CFAP61: variants seen among roughly 807,000 people sequenced by gnomAD.
CFAP61 encodes the protein cilia- and flagella-associated protein 61.
CFAP61 carries 107 observed loss-of-function variants against 135.6 expected under a neutral mutation model. The ratio of observed to expected loss-of-function variants is 0.79; its 90% CI spans 0.67 to 0.93. The LOEUF (loss-of-function observed/expected upper bound fraction) is 0.93, where lower values mean the gene tolerates loss of function less well. CFAP61 is among the 40% of genes least tolerant of loss of function. CFAP61 has a pLI of 0.00. For missense variants in CFAP61, 1,507 were observed against 1,556.2 expected (o/e 0.97, Z 0.53); for synonymous variants, 575 against 578.5 (o/e 0.99, Z 0.09).
chr20:20,326,061 G>T (rs1391807976), intron 25 of CFAP61, among the ~76,000 whole-genome samples: 1 of 152,136 alleles, frequency 6.6e-6, no homozygotes, highest in East Asian at 1.9e-4. Flanking sequence ...CTCCTGTGTG[G>T]CTGGGATTAC....
At chr20:20,183,948 A>G (rs1215277472) in intron 13 of CFAP61, among the ~76,000 whole-genome samples, 1 of 152,238 alleles carries the variant, frequency 6.6e-6, no homozygotes. Flanking sequence ...TATGAATAGC[A>G]GAGATGAATG....
intron 9 of CFAP61, among the ~76,000 whole-genome samples, chr20:20,149,018 A>G (rs1404502044): frequency 2.0e-5 from 3 of 152,226 alleles, no homozygotes; most frequent in African/African-American, 7.2e-5. Context: ...CAATATAGTA[A>G]TAAAACAACT....
intron 18 of CFAP61, among the ~76,000 whole-genome samples, chr20:20,235,959 G>A (rs2146960205): frequency 6.6e-6 from 1 of 152,204 alleles, no homozygotes; most frequent in East Asian, 1.9e-4. Context: ...CTCTCTAAGT[G>A]TACTTCTCTG....
At chr20:20,336,006 G>T (rs752789907) in intron 25 of CFAP61, among the ~76,000 whole-genome samples, 3 of 152,214 alleles carry the variant, frequency 2.0e-5, no homozygotes, top group African/African-American at 7.2e-5. Flanking sequence ...AAATGGGCCA[G>T]CATGTCCCAC....
intron 17 of CFAP61, among the ~76,000 whole-genome samples, chr20:20,206,490 C>G (rs1432925853): frequency 6.6e-6 from 1 of 152,158 alleles, no homozygotes; most frequent in Non-Finnish European, 1.5e-5. Context: ...TATGAACTTA[C>G]CTACTCTGGA....
In CFAP61 at chr20:20,287,721, G is replaced by A. The variant is rs140582952; in HGVS notation, c.2797-888G>A. Among the ~76,000 whole-genome samples, 236 of 152,274 alleles carry A rather than the reference G, an allele frequency of 1.5e-3. 1 individual carries two copies. The highest frequency in any genetic ancestry group is 5.4e-3 in the African/African-American group (224 of 41,560). ...ACCCATGTCTTATGTTCATTTTTTA[G>A]CATGCTTTTAATAAAGTGGCAGACT... On this transcript the variant is annotated intron_variant, in intron 22 of 26. Transcript: ENST00000245957.
At chr20:20,330,029 G>C (rs921209172) in intron 25 of CFAP61, among the ~76,000 whole-genome samples, 1 of 152,202 alleles carries the variant, frequency 6.6e-6, no homozygotes, top group African/African-American at 2.4e-5. Context: ...ATGCTCACAG[G>C]AGGCGGTCAA....
At chr20:20,154,129 A>G (rs940376788) in intron 9 of CFAP61, among the ~76,000 whole-genome samples, 1 of 152,154 alleles carries the variant, frequency 6.6e-6, no homozygotes, top group Non-Finnish European at 1.5e-5. Context: ...CAAAAGACAC[A>G]GAGAAAGCAT....
chr20:20,205,936 T>A (rs576712633), intron 17 of CFAP61, among the ~76,000 whole-genome samples: 1 of 151,978 alleles, frequency 6.6e-6, no homozygotes, highest in African/African-American at 2.4e-5. Flanking sequence ...CCATGTTGGA[T>A]GTGGTTTCAG....
intron 8 of CFAP61, 68 bp from the exon 9 acceptor site, chr20:20,142,789 T>C: frequency 1.1e-6 from 1 of 884,096 alleles, no homozygotes; most frequent in Non-Finnish European, 1.8e-6. Flanking sequence ...CCATGCTGTC[T>C]AATTTCCTGT....
chr20:20,277,115 G>GT, intron 21 of CFAP61, 51 bp from the exon 22 acceptor site: 1 of 1,421,668 alleles, frequency 7.0e-7, no homozygotes. Flanking sequence ...TTTGACTAAG[G>GT]TTTTTTGGTT....
chr20:20,117,297 T>A (rs1449670687), intron 8 of CFAP61, among the ~76,000 whole-genome samples: 1 of 152,074 alleles, frequency 6.6e-6, no homozygotes, highest in Admixed American at 6.6e-5. Flanking sequence ...TGAGTTGAGA[T>A]CGTGCCACTG....
At position 20,230,717 on chromosome 20, in the gene CFAP61, G is replaced by A. The variant is rs191330812; in HGVS notation, c.2060+2341G>A. Among the ~76,000 whole-genome samples the A allele has an allele frequency of 1.3e-3, 198 of 152,076 alleles. 1 individual carries two copies. The highest frequency in any genetic ancestry group is 2.0e-3 in the Admixed American group (30 of 15,266). Reference sequence around the variant, plus strand: ...ACTACAGGTGCAAGCCACCATGCCCGACTCATTTTTGTATTTTCAGTAGAG... The same window carrying A: ...ACTACAGGTGCAAGCCACCATGCCCAACTCATTTTTGTATTTTCAGTAGAG... On this transcript the variant is annotated intron_variant, in intron 18 of 26. Coordinates refer to ENST00000245957, the MANE Select transcript of CFAP61 (RefSeq NM_015585.4).
At chr20:20,104,746 A>G (rs1205548916) in intron 8 of CFAP61, among the ~76,000 whole-genome samples, 1 of 152,210 alleles carries the variant, frequency 6.6e-6, no homozygotes, top group East Asian at 1.9e-4. Flanking sequence ...TGATTTTCTC[A>G]CATTTGTGAG....
intron 18 of CFAP61, among the ~76,000 whole-genome samples, chr20:20,239,278 C>G (rs144130781): frequency 2.2e-4 from 34 of 152,274 alleles, no homozygotes; most frequent in African/African-American, 8.2e-4. Context: ...AATATTTAGA[C>G]ACTGCTAAAT....
intron 15 of CFAP61, among the ~76,000 whole-genome samples, chr20:20,195,770 A>G (rs1230353234): frequency 2.0e-5 from 3 of 152,210 alleles, no homozygotes; most frequent in Admixed American, 6.5e-5. Flanking sequence ...CCAGCCAGCC[A>G]TACATGTAAT....
intron 16 of CFAP61, among the ~76,000 whole-genome samples, chr20:20,197,675 G>T (rs988514621): frequency 2.0e-5 from 3 of 151,712 alleles, no homozygotes; most frequent in African/African-American, 7.3e-5. Flanking sequence ...GTGTCTGGTT[G>T]TTCCACAGGA....
At chr20:20,071,730 G>A (rs1009759995) in intron 3 of CFAP61, among the ~76,000 whole-genome samples, 4 of 152,060 alleles carry the variant, frequency 2.6e-5, no homozygotes, top group South Asian at 2.1e-4. Context: ...TTCACCCCCC[G>A]TACATGTGTG....
At chr20:20,090,758 G>T in intron 6 of CFAP61, 86 bp from the exon 7 acceptor site, 9 of 1,253,070 alleles carry the variant, frequency 7.2e-6, no homozygotes, top group Non-Finnish European at 9.2e-6. Flanking sequence ...CCGGCACTTA[G>T]AACAGGGTCT....
Sources: allele counts gnomAD v4.1 joint callset (sites outside exome capture counted in the v4.1 genomes callset), GRCh38; gene constraint gnomAD v4.1.1; transcripts MANE v1.5; gene names NCBI Gene and HGNC (gene_info 2026-07-23, HGNC 2026-07-21).